Variants in RIF1 observed in about 807,000 individuals in gnomAD.
RIF1 encodes the protein replication timing regulatory factor 1, also known as telomere-associated protein RIF1.
RIF1 carries 45 observed loss-of-function variants against 247.1 expected under a neutral mutation model. That is an observed-to-expected ratio of 0.18 (90% CI 0.14 to 0.23). The LOEUF is 0.23. Ranked by LOEUF, RIF1 falls within the 10% of genes least tolerant of loss-of-function variation. RIF1 has a pLI of 1.00. For synonymous variants in RIF1, 1,087 were observed against 978.8 expected (o/e 1.11, Z -2.06); for missense variants, 2,967 against 2,862.5 (o/e 1.04, Z -0.83).
intron 12 of RIF1, chr2:151,503,471 G>T: frequency 6.8e-7 from 1 of 1,480,168 alleles, no homozygotes; most frequent in Non-Finnish European, 9.4e-7. Flanking sequence ...TACCCAGAAA[G>T]GTAAAATGAC....
rs758961960 is a variant in RIF1 at position 151,461,129 on chromosome 2, A to G, written c.3076-9A>G. Reference sequence around the variant, plus strand: ...AAATGTACATTTGCTTATTTTTTCAAATCTGCAGCTGAAACTTGAATCTTC... The same window carrying G: ...AAATGTACATTTGCTTATTTTTTCAGATCTGCAGCTGAAACTTGAATCTTC... On this transcript the variant is annotated splice_polypyrimidine_tract_variant and intron_variant, in intron 26 of 35. Transcript: ENST00000444746. The G allele has an allele frequency of 2.5e-6, 4 of 1,598,562 alleles. No homozygotes were observed. The highest frequency in any genetic ancestry group is 2.6e-6 in the Non-Finnish European group (3 of 1,176,058).
intron 21 of RIF1, 57 bp downstream of exon 21, chr2:151,451,762 T>C: frequency 1.1e-6 from 1 of 905,666 alleles, no homozygotes; most frequent in South Asian, 1.4e-5. Context: ...AGTACTGAAC[T>C]TTGCCAGGGG....
At chr2:151,474,558 C>T (rs1350205019) in intron 35 of RIF1, among the ~76,000 whole-genome samples, 4 of 152,144 alleles carry the variant, frequency 2.6e-5, no homozygotes, top group Admixed American at 2.6e-4. Context: ...TGCCAGTAAT[C>T]CCAGTTACTT....
chr2:151,492,613 C>T (rs2057469269), intron 9 of RIF1: 1 of 617,928 alleles, frequency 1.6e-6, no homozygotes, highest in Non-Finnish European at 2.6e-6. Flanking sequence ...CTGAAGGGGC[C>T]CAGTGAGACA....
At chr2:151,516,262 T>C in the RIF1 span, among the ~76,000 whole-genome samples, 13 of 152,348 alleles carry the variant, frequency 8.5e-5, no homozygotes, top group South Asian at 2.7e-3. Context: ...ATATGGTAAA[T>C]ATTTACTACC....
In RIF1 at chr2:151,464,660, C is replaced by G; in HGVS notation, c.5140C>G (p.Gln1714Glu). 1 of 1,613,118 alleles carries G rather than the reference C, an allele frequency of 6.2e-7. No homozygotes were observed. Among genetic ancestry groups the G allele is most frequent in the Non-Finnish European group, 8.5e-7 (1 of 1,179,442 alleles). Residue 1714 changes from glutamine to glutamate, a missense_variant, in exon 30 of 36, where the codon CAA (glutamine) becomes GAA (glutamate). By Grantham distance (29) the Gln-to-Glu change is conservative. Coordinates refer to ENST00000444746, the MANE Select transcript of RIF1 (RefSeq NM_018151.5). ...TTCTTCGCTTTCAGAAAAAACTTTT[C>G]AAACACTTGAATGCCAACACAAGAG... ...DISSLSEKTFQTLECQHKRSR... is the reference protein window; with the variant it reads ...DISSLSEKTFETLECQHKRSR...
chr2:151,495,479 C>G (rs186742391), intron 10 of RIF1, among the ~76,000 whole-genome samples: 2 of 147,574 alleles, frequency 1.4e-5, no homozygotes, highest in African/African-American at 5.0e-5. Flanking sequence ...GCACTGTACT[C>G]AAGTACTGGA....
At chr2:151,438,126 A>G (rs1232127551) in intron 13 of RIF1, among the ~76,000 whole-genome samples, 1 of 152,256 alleles carries the variant, frequency 6.6e-6, no homozygotes, top group Non-Finnish European at 1.5e-5. Context: ...TTAAAAAAAG[A>G]TAAAACAATT....
rs1690486769 is a variant in RIF1 at position 151,433,134 on chromosome 2, A to C, written c.983A>C (p.His328Pro). The C allele has an allele frequency of 6.2e-7, 1 of 1,613,280 alleles. No homozygotes were observed. Among genetic ancestry groups the C allele is most frequent in the East Asian group, 2.2e-5 (1 of 44,816 alleles). The stretch of plus-strand genomic sequence containing the variant: ...TTAATGCAGCCTTTGAGTTCCATCC[A>C]TGTGAGAACAGAAACTCTAGCATTA... ...KLLMQPLSSI[H>P]VRTETLALTK... is the part of the protein sequence containing the mutation. The change falls in exon 10 of 36, where the codon CAT becomes CCT. Residue 328 changes from histidine (H) to proline (P), a missense_variant. By Grantham distance (77) the His-to-Pro change is moderately conservative. Around this residue, in one of 7 missense-constraint regions of RIF1, gnomAD observed 71 missense variants for 132.9 expected, o/e 0.53. Coordinates refer to ENST00000444746, the MANE Select transcript of RIF1 (RefSeq NM_018151.5).
At chr2:151,493,169 G>A in intron 9 of RIF1, 1 of 555,350 alleles carries the variant, frequency 1.8e-6, no homozygotes, top group Non-Finnish European at 3.2e-6. Context: ...CTATTTTAGT[G>A]TAAATTTTCA....
chr2:151,465,280 T>C lies in RIF1; in HGVS notation c.5760T>C (p.Asn1920=). ...AGAAAGCAAAAACTATGGAATTGAA[T>C]GTAGGAAATGAAGCTAGCTTTCATG... ...NLEKAKTMEL[N]VGNEASFHGQ... The change falls in exon 30 of 36, where the codon AAT becomes AAC. Residue 1920 remains asparagine (N), a synonymous_variant. Transcript: ENST00000444746. The C allele has an allele frequency of 6.2e-7, 1 of 1,611,964 alleles. No individual in the cohort carries two copies. The highest frequency in any genetic ancestry group is 8.5e-7 in the Non-Finnish European group (1 of 1,179,508).
rs766019243 is a variant in RIF1 at position 151,506,227 on chromosome 2, G to A, written c.*879G>A. On this transcript the variant is annotated 3_prime_UTR_variant and NMD_transcript_variant, in exon 13 of 14. Transcript: ENST00000454583. ...CATCTCAGGTGTCTTTCCGATAGCC[G>A]TTCCTGGTGAGACATCCTCTTTATA... is the stretch of plus-strand genomic sequence containing the variant. 1.2e-5 allele frequency: 20 copies of A among 1,613,380 alleles called. No homozygotes were observed. Among genetic ancestry groups the A allele is most frequent in the African/African-American group, 4.0e-5 (3 of 74,908 alleles).
chr2:151,458,757 G>T, intron 24 of RIF1, 54 bp from the exon 25 acceptor site: 1 of 950,206 alleles, frequency 1.1e-6, no homozygotes, highest in Non-Finnish European at 1.6e-6. Context: ...CAGATCATCA[G>T]TGTTCACCAG....
chr2:151,414,312 A>C (rs1362100305), intron 3 of RIF1, among the ~76,000 whole-genome samples: 4 of 151,274 alleles, frequency 2.6e-5, no homozygotes, highest in African/African-American at 7.4e-5. Flanking sequence ...TTCTAGATTG[A>C]CATGGATTGA....
At chr2:151,462,856 G>GTA (rs770960084) in intron 29 of RIF1, 28 bp from the exon 30 acceptor site, 7 of 1,427,432 alleles carry the variant, frequency 4.9e-6, no homozygotes, top group South Asian at 1.3e-5. Context: ...ATCTGTGTGT[G>GTA]TATATATATG....
intron 8 of RIF1, among the ~76,000 whole-genome samples, chr2:151,424,848 T>C (rs1315524613): frequency 7.4e-6 from 1 of 135,886 alleles, no homozygotes; most frequent in Non-Finnish European, 1.5e-5. Flanking sequence ...TTTTTTTTTT[T>C]TTTTTTTTCC....
At chr2:151,497,648 T>C in intron 10 of RIF1, 1 of 1,580,876 alleles carries the variant, frequency 6.3e-7, no homozygotes, top group Non-Finnish European at 8.6e-7. Flanking sequence ...TTCTTGATTG[T>C]GTTTGACTCT....
intron 21 of RIF1, among the ~76,000 whole-genome samples, chr2:151,453,012 T>G (rs1052322498): frequency 6.6e-6 from 1 of 152,094 alleles, no homozygotes; most frequent in Non-Finnish European, 1.5e-5. Context: ...GAAAGGAAAT[T>G]GTTATTATCA....
At chr2:151,512,732 C>T (rs113916636), downstream of RIF1, 2 of 1,610,336 alleles carry the variant, frequency 1.2e-6, no homozygotes, top group Non-Finnish European at 1.7e-6. Context: ...AATGTCCTTA[C>T]CTGGCTTGAA....
Sources: gnomAD v4.1 joint callset for allele counts (sites outside exome capture counted in the v4.1 genomes callset) on GRCh38, gnomAD v4.1.1 for gene constraint, gnomAD v4.1.1 regional missense constraint, MANE v1.5 for transcripts, NCBI Gene and HGNC (gene_info 2026-07-23, HGNC 2026-07-21) for gene names.